KIF26B: variants seen among roughly 807,000 people sequenced by gnomAD.
KIF26B encodes kinesin family member 26B, also known as kinesin-like protein KIF26B.
A neutral mutation model predicts 151.2 loss-of-function variants in KIF26B; 63 were observed. That is an observed-to-expected ratio of 0.42 (90% CI 0.34 to 0.51). KIF26B has a LOEUF of 0.51. KIF26B is among the 20% of genes least tolerant of loss of function. The probability of loss-of-function intolerance (pLI) is 0.07; values close to 1 mark genes in which losing one functional copy is unlikely to be tolerated. For synonymous variants in KIF26B, 1,357 were observed against 1,262.1 expected (o/e 1.08, Z -1.59); for missense variants, 2,813 against 2,913.6 (o/e 0.97, Z 0.79).
chr1:245,203,803 G>A (rs1242448743), intron 2 of KIF26B, among the ~76,000 whole-genome samples: 2 of 152,156 alleles, frequency 1.3e-5, no homozygotes, highest in Non-Finnish European at 2.9e-5. Flanking sequence ...CTCCCCCCGT[G>A]ACATTTATTC....
At position 245,495,071 on chromosome 1, in the gene KIF26B, GA is replaced by G. The variant is rs1660486525; in HGVS notation, c.1167-45695del. On this transcript the variant is annotated intron_variant, in intron 4 of 14. Coordinates refer to ENST00000407071, the MANE Select transcript of KIF26B (RefSeq NM_018012.4). The surrounding 1 kb of genome is among the most constrained non-coding windows in gnomAD (Gnocchi z 4.2). ...AAAGAAATAAAGAAAAGAAAAGAAAGAGGAAATTCTGGAACTTAAAAAATGA... is the reference window on the plus strand; with the variant it reads ...AAAGAAATAAAGAAAAGAAAAGAAAGGGAAATTCTGGAACTTAAAAAATGA... Among the ~76,000 whole-genome samples, 1 of 152,026 alleles carries G rather than the reference GA, an allele frequency of 6.6e-6. No individual in the cohort carries two copies. The highest frequency in any genetic ancestry group is 6.6e-5 in the Admixed American group (1 of 15,238).
intron 2 of KIF26B, among the ~76,000 whole-genome samples, chr1:245,181,975 T>C (rs1287945499): frequency 6.6e-6 from 1 of 152,164 alleles, no homozygotes. Context: ...TTTATTGAGA[T>C]ACAATTTATG....
rs1040825951 is a variant in KIF26B at position 245,675,141 on chromosome 1, G to A, written c.2259-9092G>A. 1.3e-3 allele frequency among the ~76,000 whole-genome samples: 198 copies of A among 152,182 alleles called. 2 individuals carry two copies. The highest frequency in any genetic ancestry group is 6.0e-4 in the African/African-American group (25 of 41,446). On this transcript the variant is annotated intron_variant, in intron 10 of 14. Coordinates refer to ENST00000407071, the MANE Select transcript of KIF26B (RefSeq NM_018012.4). ...AATCTAGGACGGTTTCAAAAGGGAC[G>A]CTTCCATTGTCGTCAGGACACATTA...
At chr1:245,372,626 C>G (rs1466113910) in intron 3 of KIF26B, among the ~76,000 whole-genome samples, 2 of 152,144 alleles carry the variant, frequency 1.3e-5, no homozygotes, top group Non-Finnish European at 2.9e-5. Flanking sequence ...AAGGATGTGT[C>G]TAGATTAGTT....
intron 2 of KIF26B, among the ~76,000 whole-genome samples, chr1:245,304,523 C>T (rs762116652): frequency 6.6e-6 from 1 of 152,140 alleles, no homozygotes; most frequent in Admixed American, 6.5e-5. Flanking sequence ...GGAAGTATCC[C>T]TTCTCTTTGG....
At position 245,482,004 on chromosome 1, in the gene KIF26B, C is replaced by T. The variant is rs760517635; in HGVS notation, c.1167-58763C>T. ...AGCCAAGGAAGAGAAAGATAACAAA[C>T]GAGAGAGCATATTTGATTCTAGGAG... On this transcript the variant is annotated intron_variant, in intron 4 of 14. Transcript: ENST00000407071. Among the ~76,000 whole-genome samples, 37 of 151,732 alleles carry T rather than the reference C, an allele frequency of 2.4e-4. 1 individual carries two copies. Among genetic ancestry groups the T allele is most frequent in the Non-Finnish European group, 4.1e-4 (28 of 67,782 alleles).
intron 4 of KIF26B, among the ~76,000 whole-genome samples, chr1:245,508,148 T>C (rs1479878383): frequency 1.3e-5 from 2 of 152,254 alleles, no homozygotes; most frequent in African/African-American, 4.8e-5. Context: ...GCCCCTCAAG[T>C]GCTGGTGTTT....
At chr1:245,587,481 C>G (rs1224039205) in intron 5 of KIF26B, among the ~76,000 whole-genome samples, 1 of 152,126 alleles carries the variant, frequency 6.6e-6, no homozygotes, top group Non-Finnish European at 1.5e-5. Context: ...ATCTTCTAGA[C>G]TCATTTGGGG....
intron 5 of KIF26B, among the ~76,000 whole-genome samples, chr1:245,574,750 T>C (rs2043100554): frequency 6.6e-6 from 1 of 152,160 alleles, no homozygotes; most frequent in South Asian, 2.1e-4. Flanking sequence ...GTGGCTTCTC[T>C]GTTGCCCCAA....
In KIF26B at chr1:245,667,819, C is replaced by T. The variant is rs552823323; in HGVS notation, c.2259-16414C>T. Among the ~76,000 whole-genome samples, 17 of 152,250 alleles carry T rather than the reference C, an allele frequency of 1.1e-4. No homozygotes were observed. Among genetic ancestry groups the T allele is most frequent in the Middle Eastern group, 3.4e-3 (1 of 294 alleles). On this transcript the variant is annotated intron_variant, in intron 10 of 14. Coordinates refer to ENST00000407071, the MANE Select transcript of KIF26B (RefSeq NM_018012.4). This position sits in a 1 kb window ranked among gnomAD's most constrained non-coding sequence, Gnocchi z 4.3. ...AGCTAAAACAGACAAACAAAAGGGA[C>T]CAAAGAGGTGGCATGAGTAGCATGA...
At chr1:245,407,611 A>T (rs889528778) in intron 3 of KIF26B, among the ~76,000 whole-genome samples, 12 of 152,140 alleles carry the variant, frequency 7.9e-5, no homozygotes, top group Non-Finnish European at 1.3e-4. Context: ...TCTGTACCCT[A>T]TTCACCATGT....
In KIF26B at chr1:245,488,527, G is replaced by A. The variant is rs1008510968; in HGVS notation, c.1167-52240G>A. Among the ~76,000 whole-genome samples, 3 of 151,984 alleles carry A rather than the reference G, an allele frequency of 2.0e-5. No homozygotes were observed. The highest frequency in any genetic ancestry group is 6.6e-5 in the Admixed American group (1 of 15,256). On this transcript the variant is annotated intron_variant, in intron 4 of 14. Coordinates refer to ENST00000407071, the MANE Select transcript of KIF26B (RefSeq NM_018012.4). This position sits in a 1 kb window ranked among gnomAD's most constrained non-coding sequence, Gnocchi z 4.6. ...AGCAGTTCCTGAAGAAACAGCCCCC[G>A]GGGAATGAACTACCCCCTCTGCCTC...
intron 3 of KIF26B, among the ~76,000 whole-genome samples, chr1:245,411,200 G>T (rs1336112057): frequency 6.6e-6 from 1 of 152,216 alleles, no homozygotes; most frequent in Non-Finnish European, 1.5e-5. Flanking sequence ...TGCCACAGTA[G>T]GCCTGACCCT....
intron 2 of KIF26B, among the ~76,000 whole-genome samples, chr1:245,360,285 T>G (rs1672789192): frequency 6.6e-6 from 1 of 152,194 alleles, no homozygotes; most frequent in Non-Finnish European, 1.5e-5. Context: ...TCCTCCTAGA[T>G]AAAAGACAGC....
intron 4 of KIF26B, among the ~76,000 whole-genome samples, chr1:245,438,000 G>A (rs78773583): frequency 7.2e-5 from 11 of 151,726 alleles, no homozygotes; most frequent in East Asian, 3.9e-4. Context: ...CTCCTCTCTC[G>A]TTTTATTTTT....
chr1:245,505,901 G>A (rs1660721147), intron 4 of KIF26B, among the ~76,000 whole-genome samples: 1 of 152,016 alleles, frequency 6.6e-6, no homozygotes, highest in Non-Finnish European at 1.5e-5. Context: ...TTTTAATCCT[G>A]GTGTCTTTAA....
At chr1:245,296,583 C>T (rs1388030746) in intron 2 of KIF26B, among the ~76,000 whole-genome samples, 1 of 152,216 alleles carries the variant, frequency 6.6e-6, no homozygotes, top group Non-Finnish European at 1.5e-5. Flanking sequence ...GATTCAGACT[C>T]CAGATCCCCT....
chr1:245,380,779 T>C (rs1673388925), intron 3 of KIF26B, among the ~76,000 whole-genome samples: 1 of 151,966 alleles, frequency 6.6e-6, no homozygotes, highest in African/African-American at 2.4e-5. Flanking sequence ...CCGCACACAC[T>C]CCTGACGTGA....
intron 9 of KIF26B, among the ~76,000 whole-genome samples, chr1:245,616,388 C>T (rs1001681982): frequency 1.3e-5 from 2 of 152,172 alleles, no homozygotes; most frequent in Non-Finnish European, 1.5e-5. Context: ...GACCCTGAAG[C>T]CCTACTGATC....
Sources: allele counts gnomAD v4.1 joint callset (sites outside exome capture counted in the v4.1 genomes callset), GRCh38; gene constraint gnomAD v4.1.1; non-coding constraint Gnocchi (gnomAD v3.1); transcripts MANE v1.5; gene names NCBI Gene and HGNC (gene_info 2026-07-23, HGNC 2026-07-21).